The following L3MBTL4 variants were observed in gnomAD, a reference collection of about 807,000 sequenced individuals.
The protein encoded by L3MBTL4 is lethal(3)malignant brain tumor-like protein 4.
In L3MBTL4, 70 loss-of-function variants were observed where a neutral mutation model predicts 84.5. The ratio of observed to expected loss-of-function variants is 0.83; its 90% CI spans 0.68 to 1.01. The LOEUF is 1.01. L3MBTL4 is among the 50% of genes least tolerant of loss of function. The pLI, the probability that L3MBTL4 is intolerant of heterozygous loss-of-function variation, is 0.00. For synonymous variants in L3MBTL4, 274 were observed against 259.8 expected (o/e 1.05, Z -0.52); for missense variants, 715 against 754.8 (o/e 0.95, Z 0.62).
At position 6,066,920 on chromosome 18, in the gene L3MBTL4, G is replaced by GTT. The variant is rs778380283; in HGVS notation, c.1444+13959_1444+13960dup. On this transcript the variant is annotated intron_variant, in intron 16 of 18. Coordinates refer to ENST00000317931, the MANE Select transcript of L3MBTL4 (RefSeq NM_001330559.2). ...ATATTAGATGTTGCCTAGATACTTT[G>GTT]TTTTTTTTTTTTTCATTGTGTTATT... 2.6e-3 allele frequency among the ~76,000 whole-genome samples: 356 copies of GTT among 136,516 alleles called. 1 individual carries two copies. The highest frequency in any genetic ancestry group is 8.6e-3 in the African/African-American group (327 of 37,848). 89.6% of individuals were successfully genotyped at this position (136,516 alleles called of 152,430 possible). A position where few individuals can be genotyped will look rare whatever the true frequency, so the allele number is the denominator to read the frequency against.
intron 16 of L3MBTL4, among the ~76,000 whole-genome samples, chr18:6,066,711 A>AT (rs957792465): frequency 1.3e-5 from 2 of 151,716 alleles, no homozygotes; most frequent in Admixed American, 6.6e-5. Flanking sequence ...TGCATAGCAT[A>AT]TTTTTTTCCA....
chr18:6,134,314 A>C (rs1343258835), intron 14 of L3MBTL4, among the ~76,000 whole-genome samples: 1 of 152,170 alleles, frequency 6.6e-6, no homozygotes, highest in Non-Finnish European at 1.5e-5. Context: ...GAGGGGACAC[A>C]GCCAAACCAT....
Position 6,129,368 on chromosome 18 carries a change from C to CTGTGTGTGTGTGTG in L3MBTL4, c.1199+8812_1199+8825dup, listed in dbSNP as rs772735191. 2.6e-3 allele frequency among the ~76,000 whole-genome samples: 362 copies of CTGTGTGTGTGTGTG among 138,286 alleles called. 2 individuals are homozygous for CTGTGTGTGTGTGTG. Among genetic ancestry groups the CTGTGTGTGTGTGTG allele is most frequent in the African/African-American group, 7.8e-3 (281 of 36,234 alleles). The allele number at this position is 138,286 out of a possible 152,430, so 90.7% of individuals were successfully genotyped here. A position where few individuals can be genotyped will look rare whatever the true frequency, so the allele number is the denominator to read the frequency against. ...TCTTAACAATTTACTGGAATTCTCTCTGTGTGTGTGTGTGTGTGTGTGTGT... is the reference window on the plus strand; with the variant it reads ...TCTTAACAATTTACTGGAATTCTCTCTGTGTGTGTGTGTGTGTGTGTGTGTGTGTGTGTGTGTGT... On this transcript the variant is annotated intron_variant, in intron 14 of 18. Coordinates refer to ENST00000317931, the MANE Select transcript of L3MBTL4 (RefSeq NM_001330559.2).
intron 4 of L3MBTL4, among the ~76,000 whole-genome samples, chr18:6,294,048 C>A (rs55694824): frequency 0.19 from 28,716 of 151,878 alleles, 2,850 homozygotes; most frequent in African/African-American, 0.24. Flanking sequence ...TAATTTCCTG[C>A]TTGGAAGGAT....
intron 16 of L3MBTL4, among the ~76,000 whole-genome samples, chr18:6,053,414 A>G (rs1354397959): frequency 2.0e-5 from 3 of 152,166 alleles, no homozygotes; most frequent in Non-Finnish European, 4.4e-5. Flanking sequence ...TCCTAACGAA[A>G]TGGATACAGG....
In L3MBTL4 at chr18:6,292,017, A is replaced by C. The variant is rs565634523; in HGVS notation, c.127+9886T>G. On this transcript the variant is annotated intron_variant, in intron 4 of 18. Transcript: ENST00000317931. ...CCACTAACATAGCTAGAAGAGAATAATTCAAATATTTCTAAGCATGAAGAC... is the reference window on the plus strand; with the variant it reads ...CCACTAACATAGCTAGAAGAGAATACTTCAAATATTTCTAAGCATGAAGAC... 3.3e-5 allele frequency among the ~76,000 whole-genome samples: 5 copies of C among 152,340 alleles called. No homozygotes were observed. The South Asian group carries it at 1.0e-3, about 32-fold the overall frequency.
Position 5,956,318 on chromosome 18 carries a change from C to T in L3MBTL4, c.1747G>A (p.Gly583Ser). 1.2e-6 allele frequency: 2 copies of T among 1,614,040 alleles called. No homozygotes were observed. The highest frequency in any genetic ancestry group is 1.7e-6 in the Non-Finnish European group (2 of 1,179,970). The change falls in exon 19 of 19, where the codon GGC (glycine) becomes AGC (serine). Residue 583 changes from glycine to serine, a missense_variant. Transcript: ENST00000317931. ...GAGTTGTAAATCTTCAGTGCTGGGC[C>T]CAGTTTGATCTTCATCACTTTGACA... The part of the protein sequence containing the change: ...DIVKVMKIKL[G>S]PALKIYNSIL...
At chr18:6,030,707 A>G in intron 16 of L3MBTL4, 1 of 973,766 alleles carries the variant, frequency 1.0e-6, no homozygotes, top group Non-Finnish European at 1.2e-6. Flanking sequence ...TTTTCTTTGT[A>G]TTTAGTTTAA....
chr18:6,028,975 C>T (rs2055646027), intron 16 of L3MBTL4, among the ~76,000 whole-genome samples: 1 of 152,120 alleles, frequency 6.6e-6, no homozygotes, highest in South Asian at 2.1e-4. Context: ...ATACTCCATA[C>T]CTTTTAAACT....
intron 10 of L3MBTL4, among the ~76,000 whole-genome samples, chr18:6,224,308 A>G (rs913638949): frequency 2.0e-5 from 3 of 152,244 alleles, no homozygotes; most frequent in African/African-American, 7.2e-5. Flanking sequence ...ATCTGTTAAC[A>G]TAAGAAGTAG....
At chr18:5,958,106 G>GAAGAAGAAGAAA (rs2095240834) in intron 18 of L3MBTL4, among the ~76,000 whole-genome samples, 15 of 91,450 alleles carry the variant, frequency 1.6e-4, no homozygotes, top group Admixed American at 2.2e-4. Context: ...AGAAGAAGAA[G>GAAGAAGAAGAAA]AAGAAGAAGA....
At chr18:6,120,427 G>C (rs2144300737) in intron 14 of L3MBTL4, among the ~76,000 whole-genome samples, 1 of 152,278 alleles carries the variant, frequency 6.6e-6, no homozygotes, top group South Asian at 2.1e-4. Context: ...AGCTTGTGGA[G>C]AAACTTGTGA....
intron 15 of L3MBTL4, among the ~76,000 whole-genome samples, chr18:6,084,664 G>T (rs185473805): frequency 6.6e-6 from 1 of 152,210 alleles, no homozygotes; most frequent in Non-Finnish European, 1.5e-5. Context: ...AAAGACTCAT[G>T]ATCTATTAGG....
chr18:6,222,847 C>G (rs1371527121), intron 10 of L3MBTL4, among the ~76,000 whole-genome samples: 1 of 151,548 alleles, frequency 6.6e-6, no homozygotes, highest in Admixed American at 6.6e-5. Context: ...GAAACTAGCA[C>G]AGTTCCATTT....
At chr18:6,348,198 C>T (rs959957221) in intron 1 of L3MBTL4, among the ~76,000 whole-genome samples, 1 of 151,766 alleles carries the variant, frequency 6.6e-6, no homozygotes, top group African/African-American at 2.4e-5. Context: ...AGATTCAGTA[C>T]AGTAAAGGTG....
intron 16 of L3MBTL4, among the ~76,000 whole-genome samples, chr18:6,063,506 C>A (rs2057303411): frequency 6.6e-6 from 1 of 151,972 alleles, no homozygotes; most frequent in South Asian, 2.1e-4. Context: ...GTTCCCTTTT[C>A]ACCACATCCA....
chr18:6,252,169 C>T (rs563179203), intron 5 of L3MBTL4, among the ~76,000 whole-genome samples: 2 of 152,124 alleles, frequency 1.3e-5, no homozygotes, highest in African/African-American at 4.8e-5. Flanking sequence ...AAAAATTAGC[C>T]GGGTGTGGTG....
chr18:6,314,537 G>T (rs1381802012), intron 1 of L3MBTL4, among the ~76,000 whole-genome samples: 2 of 152,082 alleles, frequency 1.3e-5, no homozygotes, highest in Non-Finnish European at 2.9e-5. Context: ...TAGTGTTTTA[G>T]ATTTAAAAAA....
intron 16 of L3MBTL4, among the ~76,000 whole-genome samples, chr18:5,979,551 C>T (rs77960146): frequency 6.6e-6 from 1 of 152,140 alleles, no homozygotes; most frequent in South Asian, 2.1e-4. Context: ...CTCAGAGACA[C>T]AATGTAACTT....
Sources: allele counts gnomAD v4.1 joint callset (sites outside exome capture counted in the v4.1 genomes callset), GRCh38; gene constraint gnomAD v4.1.1; transcripts MANE v1.5; gene names NCBI Gene and HGNC (gene_info 2026-07-23, HGNC 2026-07-21).